Variants in C12orf42 observed in about 807,000 individuals in gnomAD.
The protein encoded by C12orf42 is chromosome 12 open reading frame 42.
In C12orf42, 25 loss-of-function variants were observed where a neutral mutation model predicts 21.6. That is an observed-to-expected ratio of 1.16 (90% CI 0.84 to 1.62). The LOEUF (loss-of-function observed/expected upper bound fraction) is 1.62, where lower values mean the gene tolerates loss of function less well. Among genes scored for constraint, C12orf42 ranks in the 40% most tolerant of loss-of-function variants. The pLI is 0.00. For missense variants in C12orf42, 483 were observed against 459.3 expected, an observed-to-expected ratio of 1.05 and a Z score of -0.47; for synonymous variants, 174 against 175.0, an observed-to-expected ratio of 0.99 and a Z score of 0.05.
chr12:103,483,576 C>G (rs4015526), intron 1 of C12orf42, among the ~76,000 whole-genome samples: 28,758 of 151,956 alleles, frequency 0.19, 3,008 homozygotes, highest in African/African-American at 0.29. Flanking sequence ...TTTTCTTCAC[C>G]CCTCCCACAG....
At chr12:103,368,025 T>G in intron 4 of C12orf42, 1 of 1,252,542 alleles carries the variant, frequency 8.0e-7, no homozygotes, top group Non-Finnish European at 1.0e-6. Context: ...CTTTATCAGT[T>G]GTCCTAAAAA....
chr12:103,471,914 T>C (rs1953644893), intron 2 of C12orf42: 1 of 152,166 alleles, frequency 6.6e-6, no homozygotes, highest in Non-Finnish European at 1.5e-5. Context: ...ACACAGAGAC[T>C]TTAAACATTC....
chr12:103,538,142 C>T, the C12orf42 span, among the ~76,000 whole-genome samples: 41 of 151,960 alleles, frequency 2.7e-4, no homozygotes, highest in African/African-American at 9.9e-4. Context: ...GGGACAGAAG[C>T]CAGATGAAAA....
chr12:103,129,892 C>A, the C12orf42 span, among the ~76,000 whole-genome samples: 103 of 152,314 alleles, frequency 6.8e-4, no homozygotes, highest in African/African-American at 2.3e-3. Context: ...CTGATCAGTT[C>A]TCTGTCTTCC....
At position 103,310,856 on chromosome 12, in the gene C12orf42, A is replaced by T. The variant is rs184487753; in HGVS notation, c.260-4511T>A. Among the ~76,000 whole-genome samples, 185 of 152,348 alleles carry T rather than the reference A, an allele frequency of 1.2e-3. 1 individual carries two copies. The highest frequency in any genetic ancestry group is 4.3e-3 in the African/African-American group (180 of 41,574). ...TCCCAAATGCAGAGAAACATTTAGAATTTTTCAAAACAATAGCGCTGGATC... is the reference window on the plus strand; with the variant it reads ...TCCCAAATGCAGAGAAACATTTAGATTTTTTCAAAACAATAGCGCTGGATC... On this transcript the variant is annotated intron_variant, in intron 4 of 5. Coordinates refer to ENST00000548883, the MANE Select transcript of C12orf42 (RefSeq NM_198521.5).
upstream of C12orf42, among the ~76,000 whole-genome samples, chr12:103,498,094 G>A (rs954632978): frequency 2.6e-5 from 4 of 151,530 alleles, no homozygotes; most frequent in East Asian, 7.7e-4. Flanking sequence ...AATCAGCTAC[G>A]ATGAGAGGGA....
At chr12:103,532,856 A>G in the C12orf42 span, among the ~76,000 whole-genome samples, 1 of 152,236 alleles carries the variant, frequency 6.6e-6, no homozygotes, top group Non-Finnish European at 1.5e-5. Flanking sequence ...CTCCTCTAAC[A>G]ACAGGGCAGA....
intron 1 of C12orf42, among the ~76,000 whole-genome samples, chr12:103,485,545 C>A (rs1006014616): frequency 7.2e-5 from 11 of 152,184 alleles, no homozygotes; most frequent in Non-Finnish European, 1.6e-4. Context: ...AGCACTGAAT[C>A]TATAAATTAC....
At chr12:103,347,479 A>G (rs2042733142) in intron 4 of C12orf42, among the ~76,000 whole-genome samples, 1 of 152,144 alleles carries the variant, frequency 6.6e-6, no homozygotes, top group African/African-American at 2.4e-5. Flanking sequence ...GTTGGTTCGA[A>G]GTCTTTGCTA....
the C12orf42 span, among the ~76,000 whole-genome samples, chr12:103,120,767 A>G: frequency 8.7e-5 from 13 of 148,996 alleles, no homozygotes; most frequent in African/African-American, 3.2e-4. Context: ...CTATTATAGT[A>G]TATTATATAT....
chr12:103,139,458 GC>G, the C12orf42 span, among the ~76,000 whole-genome samples: 1 of 152,068 alleles, frequency 6.6e-6, no homozygotes, highest in Non-Finnish European at 1.5e-5. Flanking sequence ...CTATTCTTCT[GC>G]TTCTCTCACA....
chr12:103,198,741 G>T, the C12orf42 span, among the ~76,000 whole-genome samples: 3 of 152,284 alleles, frequency 2.0e-5, no homozygotes, highest in South Asian at 6.2e-4. Flanking sequence ...ATTTGCTCAG[G>T]ACCAGGGACA....
intron 1 of C12orf42, among the ~76,000 whole-genome samples, chr12:103,485,283 G>C (rs1242135667): frequency 6.6e-6 from 1 of 152,152 alleles, no homozygotes; most frequent in Non-Finnish European, 1.5e-5. Context: ...GATGGTTGTA[G>C]ATGTGTGCTG....
downstream of C12orf42, among the ~76,000 whole-genome samples, chr12:103,265,644 T>G (rs1206816523): frequency 6.6e-6 from 1 of 152,168 alleles, no homozygotes; most frequent in East Asian, 1.9e-4. Context: ...AAAATGTTCA[T>G]GGCATTAGCA....
chr12:103,067,829 G>C, the C12orf42 span, among the ~76,000 whole-genome samples: 2 of 152,120 alleles, frequency 1.3e-5, no homozygotes, highest in African/African-American at 2.4e-5. Flanking sequence ...TTAGATTGTT[G>C]GTTGTGGTGA....
At chr12:103,496,486 A>G (rs1829624981), upstream of C12orf42, among the ~76,000 whole-genome samples, 1 of 152,084 alleles carries the variant, frequency 6.6e-6, no homozygotes, top group African/African-American at 2.4e-5. Flanking sequence ...CCTCATCTCT[A>G]TCCCACCTCC....
intron 3 of C12orf42, among the ~76,000 whole-genome samples, chr12:103,382,145 TA>T (rs2046234233): frequency 6.6e-6 from 1 of 152,220 alleles, no homozygotes; most frequent in Admixed American, 6.5e-5. Flanking sequence ...ACTAGCAAAG[TA>T]AAAGATGGAA....
chr12:103,363,907 A>G (rs1382712337), intron 4 of C12orf42, among the ~76,000 whole-genome samples: 3 of 152,170 alleles, frequency 2.0e-5, no homozygotes, highest in Non-Finnish European at 4.4e-5. Flanking sequence ...GAGGATTTCA[A>G]TACTCCACTG....
chr12:103,323,981 T>A (rs1325054873), intron 4 of C12orf42, among the ~76,000 whole-genome samples: 3 of 152,238 alleles, frequency 2.0e-5, no homozygotes, highest in African/African-American at 7.2e-5. Flanking sequence ...GAGTTCTATA[T>A]AATGAAATTC....
Sources: gnomAD v4.1 joint callset for allele counts (sites outside exome capture counted in the v4.1 genomes callset) on GRCh38, gnomAD v4.1.1 for gene constraint, MANE v1.5 for transcripts, NCBI Gene and HGNC (gene_info 2026-07-23, HGNC 2026-07-21) for gene names.